Variants in FOXK1 observed in about 807,000 individuals in gnomAD.
The protein encoded by FOXK1 is forkhead box K1, also known as forkhead box protein K1.
In FOXK1, 19 loss-of-function variants were observed where a neutral mutation model predicts 51.9. The observed-to-expected ratio is 0.37, with a 90% CI of 0.26 to 0.54. The LOEUF is 0.54. Ranked by LOEUF, FOXK1 falls within the 20% of genes least tolerant of loss-of-function variation. The pLI, the probability that FOXK1 is intolerant of heterozygous loss-of-function variation, is 0.87. For missense variants in FOXK1, 870 were observed against 1,032.7 expected (o/e 0.84, Z 2.16); for synonymous variants, 537 against 482.6 (o/e 1.11, Z -1.48).
At chr7:4,689,463 T>G (rs1399088812) in intron 1 of FOXK1, among the ~76,000 whole-genome samples, 1 of 152,208 alleles carries the variant, frequency 6.6e-6, no homozygotes, top group Admixed American at 6.6e-5. Flanking sequence ...TTTTAGCCCC[T>G]ATAAAAACAT....
At chr7:4,710,776 C>T (rs112033157) in intron 1 of FOXK1, among the ~76,000 whole-genome samples, 3,032 of 152,170 alleles carry the variant, frequency 0.02, 87 homozygotes, top group African/African-American at 0.067. Flanking sequence ...CTGGTCTGCA[C>T]GGGCCACGAT....
At position 4,726,680 on chromosome 7, in the gene FOXK1, G is replaced by A. The variant is rs540380149; in HGVS notation, c.561-14158G>A. Among the ~76,000 whole-genome samples the A allele has an allele frequency of 8.6e-5, 13 of 151,552 alleles. No individual in the cohort carries two copies. The South Asian group carries it at 2.5e-3, about 29-fold the overall frequency. On this transcript the variant is annotated intron_variant, in intron 1 of 8. Coordinates refer to ENST00000328914, the MANE Select transcript of FOXK1 (RefSeq NM_001037165.2). The stretch of plus-strand genomic sequence containing the variant: ...TGCCTGAGTCCAGAAGACAGACAGC[G>A]GGAGCTCACTCCTGCCATGTCGCTC...
chr7:4,704,205 C>CT (rs927832837), intron 1 of FOXK1, among the ~76,000 whole-genome samples: 27 of 152,148 alleles, frequency 1.8e-4, no homozygotes, highest in Middle Eastern at 3.4e-3. Context: ...AATTCCAGCA[C>CT]TTTGGGAGGC....
At chr7:4,687,123 G>A (rs1037083997) in intron 1 of FOXK1, among the ~76,000 whole-genome samples, 3 of 151,738 alleles carry the variant, frequency 2.0e-5, no homozygotes, top group African/African-American at 4.8e-5. Context: ...TAGTAGAGAC[G>A]GGGTTTCACC....
At position 4,733,829 on chromosome 7, in the gene FOXK1, G is replaced by A. The variant is rs531372459; in HGVS notation, c.561-7009G>A. Among the ~76,000 whole-genome samples, 42 of 152,326 alleles carry A rather than the reference G, an allele frequency of 2.8e-4. No individual in the cohort carries two copies. The highest frequency in any genetic ancestry group is 9.6e-4 in the African/African-American group (40 of 41,576). ...GAAGCTGCAGGCTGGGTGGGACGGT[G>A]GGAGCCTTTCCCTGGTCTTTAGTCC... is the stretch of plus-strand genomic sequence containing the variant. On this transcript the variant is annotated intron_variant, in intron 1 of 8. Transcript: ENST00000328914. The surrounding 1 kb of genome is among the most constrained non-coding windows in gnomAD (Gnocchi z 5.0).
Position 4,766,204 on chromosome 7 carries a change from T to TA in FOXK1, c.*3742dup, listed in dbSNP as rs1781008051. ...TCTACATTCCTAAAAACCTCAACGTTAATCCCTCACCAGTCGGGCCGAGTG... is the reference window on the plus strand; with the variant it reads ...TCTACATTCCTAAAAACCTCAACGTTAAATCCCTCACCAGTCGGGCCGAGTG... On this transcript the variant is annotated 3_prime_UTR_variant, in exon 9 of 9. Coordinates refer to ENST00000328914, the MANE Select transcript of FOXK1 (RefSeq NM_001037165.2). The surrounding 1 kb of genome is among the most constrained non-coding windows in gnomAD (Gnocchi z 5.5). The TA allele has an allele frequency of 6.6e-6, 1 of 152,068 alleles. No homozygotes were observed. The highest frequency in any genetic ancestry group is 2.1e-4 in the South Asian group (1 of 4,828). 9.4% of individuals were successfully genotyped at this position (152,068 alleles called of 1,614,324 possible).
At position 4,745,472 on chromosome 7, in the gene FOXK1, T is replaced by TG. The variant is rs1780691050; in HGVS notation, c.746+4449_746+4450insG. On this transcript the variant is annotated intron_variant, in intron 2 of 8. Transcript: ENST00000328914. The surrounding 1 kb of genome is among the most constrained non-coding windows in gnomAD (Gnocchi z 4.3). Reference sequence around the variant, plus strand: ...TGGGTATGGGTGTGGGTGTGTGGTTTTGTGTGTGTGTGTGTGTTTCTGATT... The same window carrying TG: ...TGGGTATGGGTGTGGGTGTGTGGTTTGTGTGTGTGTGTGTGTGTTTCTGATT... Among the ~76,000 whole-genome samples the TG allele has an allele frequency of 6.6e-6, 1 of 150,474 alleles. No homozygotes were observed. Among genetic ancestry groups the TG allele is most frequent in the South Asian group, 2.1e-4 (1 of 4,766 alleles).
rs1001725882 is a variant in FOXK1, at chr7:4,743,856, G to T, written c.746+2833G>T. On this transcript the variant is annotated intron_variant, in intron 2 of 8. Transcript: ENST00000328914. This position sits in a 1 kb window ranked among gnomAD's most constrained non-coding sequence, Gnocchi z 5.3. The stretch of plus-strand genomic sequence containing the variant: ...CTGGGAGTGGGTTATTAATCAGCAG[G>T]TTGTAATCCAGCTAAACAGAAGCTT... Among the ~76,000 whole-genome samples, 1 of 151,974 alleles carries T rather than the reference G, an allele frequency of 6.6e-6. No homozygotes were observed. The highest frequency in any genetic ancestry group is 6.6e-5 in the Admixed American group (1 of 15,256).
rs1053565825 is a variant in FOXK1 at position 4,761,829 on chromosome 7, A to T, written c.1922-355A>T. On this transcript the variant is annotated intron_variant, in intron 8 of 8. Coordinates refer to ENST00000328914, the MANE Select transcript of FOXK1 (RefSeq NM_001037165.2). The surrounding 1 kb of genome is among the most constrained non-coding windows in gnomAD (Gnocchi z 6.2). ...AGGAGAGTTGGGGTGCTGGGGTGCA[A>T]GGGTGCTGGGCGGGGGTGCAGGGTA... Among the ~76,000 whole-genome samples, 1 of 152,022 alleles carries T rather than the reference A, an allele frequency of 6.6e-6. No homozygotes were observed. The highest frequency in any genetic ancestry group is 6.6e-5 in the Admixed American group (1 of 15,260).
In FOXK1 at chr7:4,766,513, T is replaced by C. The variant is rs910451997; in HGVS notation, c.*4049T>C. ...GCTGTTTATTTGTATCTCCCTTTTC[T>C]TTGATTTAAGAACAATGCCAAGTGA... On this transcript the variant is annotated 3_prime_UTR_variant, in exon 9 of 9. Coordinates refer to ENST00000328914, the MANE Select transcript of FOXK1 (RefSeq NM_001037165.2). This position sits in a 1 kb window ranked among gnomAD's most constrained non-coding sequence, Gnocchi z 5.5. 3.3e-5 allele frequency: 5 copies of C among 152,368 alleles called. 1 individual carries two copies. The highest frequency in any genetic ancestry group is 3.3e-4 in the Admixed American group (5 of 15,300). The allele number at this position is 152,368 out of a possible 1,614,324, so 9.4% of individuals were successfully genotyped here.
chr7:4,698,183 A>G (rs1041408808), intron 1 of FOXK1, among the ~76,000 whole-genome samples: 9 of 152,130 alleles, frequency 5.9e-5, no homozygotes, highest in African/African-American at 1.9e-4. Flanking sequence ...AAAATGTTGC[A>G]AGATGAGTCC....
rs1043437252 is a variant in FOXK1 at position 4,732,442 on chromosome 7, G to C, written c.561-8396G>C. Among the ~76,000 whole-genome samples the C allele has an allele frequency of 2.6e-5, 4 of 152,202 alleles. No homozygotes were observed. The East Asian group carries it at 5.8e-4, about 22-fold the overall frequency. ...CAAGTAGTTGGGACTACAGGTGTGC[G>C]CCACCACACCTGGCTAATTTCTTAA... On this transcript the variant is annotated intron_variant, in intron 1 of 8. Coordinates refer to ENST00000328914, the MANE Select transcript of FOXK1 (RefSeq NM_001037165.2).
At chr7:4,688,136 G>A (rs933945802) in intron 1 of FOXK1, among the ~76,000 whole-genome samples, 1 of 151,622 alleles carries the variant, frequency 6.6e-6, no homozygotes, top group Non-Finnish European at 1.5e-5. Context: ...TCATCTTGTG[G>A]CCAGGCTTGT....
rs1780663022 is a variant in FOXK1, at chr7:4,743,608, T to C, written c.746+2585T>C. ...TGGGAATTGCATCTGAAGAAAGCAG[T>C]TGAGCGCAGTATATGTACTTAAGTC... On this transcript the variant is annotated intron_variant, in intron 2 of 8. Coordinates refer to ENST00000328914, the MANE Select transcript of FOXK1 (RefSeq NM_001037165.2). The surrounding 1 kb of genome is among the most constrained non-coding windows in gnomAD (Gnocchi z 5.3). Among the ~76,000 whole-genome samples the C allele has an allele frequency of 6.6e-6, 1 of 152,190 alleles. No individual in the cohort carries two copies. The highest frequency in any genetic ancestry group is 1.5e-5 in the Non-Finnish European group (1 of 68,036).
intron 1 of FOXK1, among the ~76,000 whole-genome samples, chr7:4,706,113 C>A (rs200695697): frequency 1.3e-5 from 2 of 150,428 alleles, no homozygotes; most frequent in East Asian, 2.0e-4. Flanking sequence ...TTGAAAAATA[C>A]AGAAATGCGA....
chr7:4,701,738 A>C (rs1780023298), intron 1 of FOXK1, among the ~76,000 whole-genome samples: 1 of 152,134 alleles, frequency 6.6e-6, no homozygotes, highest in Non-Finnish European at 1.5e-5. Flanking sequence ...CTAAAAATAC[A>C]AAAAATTAGC....
At chr7:4,751,427 T>C (rs2171766) in intron 2 of FOXK1, among the ~76,000 whole-genome samples, 151,383 of 152,266 alleles carry the variant, frequency 0.99, 75,255 homozygotes, top group South Asian at 1. Context: ...GTTTTCCGGA[T>C]GGCTCCAAGG....
rs1256342498 is a variant in FOXK1, at chr7:4,715,733, A to C, written c.561-25105A>C. ...GCCGTTAGATTGGTTGTCATTGGCC[A>C]AGCCAGCTCCGGGCACCCTGAGGTT... On this transcript the variant is annotated intron_variant, in intron 1 of 8. Coordinates refer to ENST00000328914, the MANE Select transcript of FOXK1 (RefSeq NM_001037165.2). The surrounding 1 kb of genome is among the most constrained non-coding windows in gnomAD (Gnocchi z 4.5). Among the ~76,000 whole-genome samples the C allele has an allele frequency of 1.3e-5, 2 of 152,190 alleles. No homozygotes were observed. Among genetic ancestry groups the C allele is most frequent in the Non-Finnish European group, 2.9e-5 (2 of 68,042 alleles).
At chr7:4,736,299 G>A (rs554792782) in intron 1 of FOXK1, among the ~76,000 whole-genome samples, 1 of 152,140 alleles carries the variant, frequency 6.6e-6, no homozygotes, top group African/African-American at 2.4e-5. Context: ...ATTACAGTAG[G>A]AAATTGTCAT....
Sources: gnomAD v4.1 joint callset for allele counts (sites outside exome capture counted in the v4.1 genomes callset) on GRCh38, gnomAD v4.1.1 for gene constraint, Gnocchi (gnomAD v3.1) non-coding constraint, MANE v1.5 for transcripts, NCBI Gene and HGNC (gene_info 2026-07-23, HGNC 2026-07-21) for gene names.